RPRD1B: variants seen among roughly 807,000 people sequenced by gnomAD.
The protein encoded by RPRD1B is regulation of nuclear pre-mRNA domain-containing protein 1B.
RPRD1B carries 11 observed loss-of-function variants against 41.5 expected under a neutral mutation model. The observed-to-expected ratio is 0.27, with a 90% CI of 0.17 to 0.44. The LOEUF is 0.44. Among genes scored for constraint, RPRD1B ranks in the 20% least tolerant of loss-of-function variants. The pLI is 1.00. For missense variants in RPRD1B, 248 were observed against 389.9 expected, an observed-to-expected ratio of 0.64 and a Z score of 3.06; for synonymous variants, 158 against 155.6, an observed-to-expected ratio of 1.02 and a Z score of -0.12.
chr20:38,055,756 G>C (rs890541240), intron 3 of RPRD1B, among the ~76,000 whole-genome samples: 3 of 152,180 alleles, frequency 2.0e-5, no homozygotes, highest in Non-Finnish European at 1.5e-5. Flanking sequence ...ATCACTGGGC[G>C]ATAAGGAGAC....
chr20:38,075,833 A>G (rs1031803113), intron 6 of RPRD1B, among the ~76,000 whole-genome samples: 2 of 152,196 alleles, frequency 1.3e-5, no homozygotes, highest in African/African-American at 4.8e-5. Flanking sequence ...TGTGAAGAGG[A>G]TGGTACTAGC....
At chr20:38,083,631 A>G (rs1568663236) in intron 6 of RPRD1B, among the ~76,000 whole-genome samples, 1 of 152,204 alleles carries the variant, frequency 6.6e-6, no homozygotes, top group Non-Finnish European at 1.5e-5. Flanking sequence ...GCTCGCTCCC[A>G]TTTGGAGTTT....
intron 6 of RPRD1B, among the ~76,000 whole-genome samples, chr20:38,075,891 A>G (rs1233596692): frequency 6.6e-6 from 1 of 152,036 alleles, no homozygotes; most frequent in Non-Finnish European, 1.5e-5. Flanking sequence ...TTTTTTCCTT[A>G]TTGAGGTCCT....
intron 6 of RPRD1B, chr20:38,070,587 T>G: frequency 1.0e-6 from 1 of 985,456 alleles, no homozygotes. Flanking sequence ...GGTTCCTGTC[T>G]TGTCAGCGTG....
rs770462507 is a variant in RPRD1B at position 38,059,422 on chromosome 20, A to G, written c.557A>G (p.Asp186Gly). The change falls in exon 5 of 7, where the codon GAT (aspartate) becomes GGT (glycine). Residue 186 changes from aspartate (D) to glycine (G), a missense_variant. Asp to Gly is a moderately conservative substitution (Grantham distance 94). Coordinates refer to ENST00000373433, the MANE Select transcript of RPRD1B (RefSeq NM_021215.4). ...GAGGAACTAATCAAAGCTTTGCAGG[A>G]TCTGGAAAATGCCGCATCAGGGGAT... The part of the protein sequence containing the change: ...LTEELIKALQ[D>G]LENAASGDAT... 2.5e-6 allele frequency: 4 copies of G among 1,613,638 alleles called. No individual in the cohort carries two copies. The African/African-American group carries it at 5.3e-5, about 22-fold the overall frequency.
rs184653169 is a variant in RPRD1B, at chr20:38,040,690, G to A, written c.281+126G>A. ...TACTTTACAGAGAGTTGTGGAGGCC[G>A]AATTGTGGTTTTATGTTTTGTTGAG... On this transcript the variant is annotated intron_variant, in intron 2 of 6. Coordinates refer to ENST00000373433, the MANE Select transcript of RPRD1B (RefSeq NM_021215.4). 261 of 987,822 alleles carry A rather than the reference G, an allele frequency of 2.6e-4. No homozygotes were observed. In the African/African-American group the frequency reaches 2.9e-3, roughly 11 times the overall value. 61.2% of individuals were successfully genotyped at this position (987,822 alleles called of 1,614,324 possible).
chr20:38,067,545 T>C (rs1219061654), intron 6 of RPRD1B, among the ~76,000 whole-genome samples: 4 of 152,220 alleles, frequency 2.6e-5, no homozygotes, highest in Admixed American at 2.0e-4. Flanking sequence ...AGCATGGTCA[T>C]CTGACTTGAG....
intron 3 of RPRD1B, among the ~76,000 whole-genome samples, chr20:38,052,217 C>T (rs1320906428): frequency 6.6e-6 from 1 of 152,160 alleles, no homozygotes; most frequent in East Asian, 1.9e-4. Flanking sequence ...GGCAATGATA[C>T]GAGTTTTGTT....
At chr20:38,045,950 G>A (rs1568645242) in intron 2 of RPRD1B, among the ~76,000 whole-genome samples, 1 of 152,152 alleles carries the variant, frequency 6.6e-6, no homozygotes, top group Non-Finnish European at 1.5e-5. Context: ...GGCATTCAGG[G>A]CTCGCTGTAA....
chr20:38,083,362 T>G (rs1854468283), intron 6 of RPRD1B, among the ~76,000 whole-genome samples: 1 of 152,262 alleles, frequency 6.6e-6, no homozygotes, highest in Non-Finnish European at 1.5e-5. Flanking sequence ...TGAGCATCTG[T>G]TAAATTGAAA....
intron 6 of RPRD1B, among the ~76,000 whole-genome samples, chr20:38,086,398 T>TG (rs2074561503): frequency 6.6e-6 from 1 of 152,252 alleles, no homozygotes; most frequent in South Asian, 2.1e-4. Flanking sequence ...TAAAGGCAAT[T>TG]GCTGCCTGTA....
At chr20:38,059,777 C>T (rs2074278858) in intron 5 of RPRD1B, among the ~76,000 whole-genome samples, 1 of 152,122 alleles carries the variant, frequency 6.6e-6, no homozygotes, top group South Asian at 2.1e-4. Flanking sequence ...TAAATAAGGT[C>T]TGTTAAAAAC....
intron 4 of RPRD1B, among the ~76,000 whole-genome samples, chr20:38,058,467 A>T (rs2074265675): frequency 6.6e-6 from 1 of 152,210 alleles, no homozygotes. Flanking sequence ...GGGTAATCTA[A>T]CTACCATCTA....
At chr20:38,057,751 A>C in intron 4 of RPRD1B, 107 bp downstream of exon 4, 1 of 764,178 alleles carries the variant, frequency 1.3e-6, no homozygotes, top group Non-Finnish European at 2.2e-6. Flanking sequence ...GAATCATCAG[A>C]GGGCACCTCT....
At chr20:38,065,987 G>A in intron 5 of RPRD1B, 94 bp from the exon 6 acceptor site, 1 of 1,236,524 alleles carries the variant, frequency 8.1e-7, no homozygotes, top group Non-Finnish European at 1.1e-6. Context: ...TCTGTATATT[G>A]GGAGAGAAAC....
At chr20:38,039,407 C>CTTTTTTTTTTTTTTTTTTTTTTTTTT (rs1165738530) in intron 1 of RPRD1B, among the ~76,000 whole-genome samples, 18 of 141,736 alleles carry the variant, frequency 1.3e-4, no homozygotes, top group Middle Eastern at 3.6e-3. Context: ...TACAAGAAAC[C>CTTTTTTTTTTTTTTTTTTTTTTTTTT]TTTTTTTTTT....
rs990817360 is a variant in RPRD1B at position 38,089,946 on chromosome 20, C to A, written c.*71C>A. 6 of 1,564,666 alleles carry A rather than the reference C, an allele frequency of 3.8e-6. No individual in the cohort carries two copies. In the East Asian group the frequency reaches 9.0e-5, roughly 23 times the overall value. Reference sequence around the variant, plus strand: ...GAGGGCAAGTCATGGTTGGAAATAACCTTCTAGCCCCTGGTTCTATCCCTT... The same window carrying A: ...GAGGGCAAGTCATGGTTGGAAATAAACTTCTAGCCCCTGGTTCTATCCCTT... On this transcript the variant is annotated 3_prime_UTR_variant, in exon 7 of 7. Coordinates refer to ENST00000373433, the MANE Select transcript of RPRD1B (RefSeq NM_021215.4).
chr20:38,038,490 GTTTTTTTTTTT>G (rs150397040), intron 1 of RPRD1B, among the ~76,000 whole-genome samples: 6 of 76,788 alleles, frequency 7.8e-5, no homozygotes, highest in South Asian at 4.1e-4. Context: ...TTTTTGTTTT[GTTTTTTTTTTT>G]TTTTTTTTTT....
At chr20:38,060,276 C>A (rs1240206638) in intron 5 of RPRD1B, among the ~76,000 whole-genome samples, 5 of 152,222 alleles carry the variant, frequency 3.3e-5, no homozygotes, top group African/African-American at 9.6e-5. Flanking sequence ...CCTCCCCTTA[C>A]AAAAGCTCAG....
Sources: gnomAD v4.1 joint callset for allele counts (sites outside exome capture counted in the v4.1 genomes callset) on GRCh38, gnomAD v4.1.1 for gene constraint, MANE v1.5 for transcripts, NCBI Gene and HGNC (gene_info 2026-07-23, HGNC 2026-07-21) for gene names.